The following DLGAP2 variants were observed in gnomAD, a reference collection of about 807,000 sequenced individuals.
DLGAP2 encodes disks large-associated protein 2.
Under a neutral mutation model 100.3 loss-of-function variants are expected in DLGAP2, and 26 were observed. The ratio of observed to expected loss-of-function variants is 0.26; its 90% CI spans 0.19 to 0.36. The LOEUF (loss-of-function observed/expected upper bound fraction) is 0.36. Among genes scored for constraint, DLGAP2 ranks in the 10% least tolerant of loss-of-function variants. DLGAP2 has a pLI of 1.00. For missense variants in DLGAP2, 1,858 were observed against 1,453.2 expected (o/e 1.28, Z -4.53); for synonymous variants, 886 against 630.1 (o/e 1.41, Z -6.08).
chr8:1,601,381 C>G (rs766442859), intron 6 of DLGAP2, among the ~76,000 whole-genome samples: 1 of 152,208 alleles, frequency 6.6e-6, no homozygotes, highest in African/African-American at 2.4e-5. Context: ...CACTCTGTGC[C>G]TTAGCAGAGC....
chr8:1,438,273 A>G (rs1040697442), intron 3 of DLGAP2, among the ~76,000 whole-genome samples: 4 of 152,084 alleles, frequency 2.6e-5, no homozygotes, highest in Admixed American at 6.5e-5. Context: ...TCCTCCCCCA[A>G]CCATGTCATG....
intron 13 of DLGAP2, among the ~76,000 whole-genome samples, chr8:1,694,460 G>A (rs766351283): frequency 5.3e-5 from 8 of 152,200 alleles, no homozygotes; most frequent in East Asian, 1.9e-4. Context: ...GACGGACCGC[G>A]GGGGGCAGAG....
At chr8:1,455,596 G>A (rs949797027) in intron 3 of DLGAP2, among the ~76,000 whole-genome samples, 4 of 152,198 alleles carry the variant, frequency 2.6e-5, no homozygotes, top group East Asian at 1.9e-4. Context: ...CGGTGGAGGC[G>A]GAGCGCACCT....
intron 6 of DLGAP2, among the ~76,000 whole-genome samples, chr8:1,597,726 G>A (rs151294169): frequency 0.015 from 2,345 of 152,304 alleles, 53 homozygotes; most frequent in African/African-American, 0.052. Flanking sequence ...TTTGTATCCC[G>A]AGACTTTGCT....
intron 3 of DLGAP2, among the ~76,000 whole-genome samples, chr8:1,314,784 G>A (rs1041969564): frequency 5.3e-5 from 8 of 152,302 alleles, no homozygotes; most frequent in South Asian, 4.1e-4. Context: ...CTGAATTTTC[G>A]TGGAAGTTTC....
At chr8:1,415,165 T>G (rs1347957484) in intron 3 of DLGAP2, among the ~76,000 whole-genome samples, 1 of 152,232 alleles carries the variant, frequency 6.6e-6, no homozygotes, top group East Asian at 1.9e-4. Context: ...GGCAACTCTA[T>G]TCTGCCAACC....
Position 931,385 on chromosome 8 carries a change from C to T in DLGAP2, c.73+23419C>T, listed in dbSNP as rs1163089232. ...GAGAACAAGAGCGCTCTGCCTCTCC[C>T]GCCTCCTGGCTCTGGAAAAAGCATC... On this transcript the variant is annotated intron_variant, in intron 2 of 14. Transcript: ENST00000637795. Among the ~76,000 whole-genome samples the T allele has an allele frequency of 3.1e-4, 47 of 152,226 alleles. 1 individual carries two copies. The highest frequency in any genetic ancestry group is 5.9e-5 in the Non-Finnish European group (4 of 68,036).
intron 4 of DLGAP2, among the ~76,000 whole-genome samples, chr8:1,514,469 A>C (rs1351224541): frequency 6.6e-6 from 1 of 152,264 alleles, no homozygotes; most frequent in African/African-American, 2.4e-5. Flanking sequence ...AGGAACAGCG[A>C]GAAAATATTG....
intron 2 of DLGAP2, among the ~76,000 whole-genome samples, chr8:1,026,236 G>T (rs528695630): frequency 6.6e-6 from 1 of 152,170 alleles, no homozygotes; most frequent in Non-Finnish European, 1.5e-5. Flanking sequence ...GACGTTTGCC[G>T]TCTTCCGAAG....
chr8:752,930 C>G (rs1820828511), intron 1 of DLGAP2, among the ~76,000 whole-genome samples: 1 of 152,222 alleles, frequency 6.6e-6, no homozygotes, highest in Non-Finnish European at 1.5e-5. Flanking sequence ...GTGGATCACC[C>G]TCACTCGGTT....
intron 2 of DLGAP2, among the ~76,000 whole-genome samples, chr8:1,185,573 TTTA>T (rs1316188558): frequency 6.6e-6 from 1 of 152,174 alleles, no homozygotes; most frequent in Non-Finnish European, 1.5e-5. Flanking sequence ...CCACTAGTCA[TTTA>T]TTGACTCGCT....
intron 3 of DLGAP2, among the ~76,000 whole-genome samples, chr8:1,317,461 G>A (rs1474958840): frequency 1.7e-4 from 25 of 142,994 alleles, no homozygotes; most frequent in African/African-American, 5.2e-4. Flanking sequence ...TAGAGGCTGT[G>A]CGAGTGCAGC....
At chr8:1,556,415 A>G (rs1196526660) in intron 5 of DLGAP2, among the ~76,000 whole-genome samples, 1 of 151,902 alleles carries the variant, frequency 6.6e-6, no homozygotes, top group African/African-American at 2.4e-5. Context: ...TCTTCCTCCC[A>G]GGGCAGCTAA....
intron 2 of DLGAP2, among the ~76,000 whole-genome samples, chr8:957,911 C>G (rs1256205643): frequency 6.6e-6 from 1 of 152,068 alleles, no homozygotes; most frequent in East Asian, 1.9e-4. Flanking sequence ...ATTTCCCTCA[C>G]CTGCCATTTT....
intron 8 of DLGAP2, among the ~76,000 whole-genome samples, chr8:1,647,175 G>A (rs966687879): frequency 2.8e-4 from 43 of 152,166 alleles, no homozygotes; most frequent in African/African-American, 1.0e-3. Flanking sequence ...GCTGGTTGCT[G>A]GATCTGGAAC....
intron 1 of DLGAP2, among the ~76,000 whole-genome samples, chr8:834,615 A>C (rs1796839149): frequency 6.6e-6 from 1 of 152,154 alleles, no homozygotes; most frequent in Non-Finnish European, 1.5e-5. Context: ...TCCTTGACCA[A>C]ATCAGTGCAA....
intron 6 of DLGAP2, among the ~76,000 whole-genome samples, chr8:1,593,836 C>G (rs1796363874): frequency 2.0e-5 from 3 of 152,180 alleles, no homozygotes; most frequent in African/African-American, 7.2e-5. Context: ...AATAAGCAAA[C>G]AAGAACTCCA....
At chr8:919,997 C>T (rs950707129) in intron 2 of DLGAP2, among the ~76,000 whole-genome samples, 1 of 152,220 alleles carries the variant, frequency 6.6e-6, no homozygotes, top group Non-Finnish European at 1.5e-5. Context: ...GGGAGGACTC[C>T]TGGAGCTCAT....
chr8:913,769 T>C (rs919128074), intron 2 of DLGAP2, among the ~76,000 whole-genome samples: 1 of 152,258 alleles, frequency 6.6e-6, no homozygotes, highest in Non-Finnish European at 1.5e-5. Context: ...GCTAAGTCAG[T>C]ATGTGATACT....
Sources: gnomAD v4.1 joint callset for allele counts (sites outside exome capture counted in the v4.1 genomes callset) on GRCh38, gnomAD v4.1.1 for gene constraint, MANE v1.5 for transcripts, NCBI Gene and HGNC (gene_info 2026-07-23, HGNC 2026-07-21) for gene names.